Variants in SPCS1 observed in about 807,000 individuals in gnomAD.
SPCS1 encodes the protein SPase 12 kDa subunit.
Under a neutral mutation model 16.4 loss-of-function variants are expected in SPCS1, and 10 were observed. The ratio of observed to expected loss-of-function variants is 0.61; its 90% CI spans 0.38 to 1.03. SPCS1 has a LOEUF of 1.03. Ranked by LOEUF, SPCS1 falls within the 50% of genes least tolerant of loss-of-function variation. The pLI is 0.01. For missense variants in SPCS1, 118 were observed against 123.8 expected, an observed-to-expected ratio of 0.95 and a Z score of 0.22; for synonymous variants, 47 against 42.5, an observed-to-expected ratio of 1.10 and a Z score of -0.41.
rs1160972338 is a variant in SPCS1, at chr3:52,710,693, T to G, written c.*2881T>G. ...AGGAATACCACTTGAGCCCCAGAAG[T>G]GGAGGTTGCAGTGAGTTGAGATCAT... On this transcript the variant is annotated 3_prime_UTR_variant, in exon 4 of 4. Transcript: ENST00000619898. 6.6e-6 allele frequency: 1 copy of G among 151,844 alleles called. No homozygotes were observed. Among genetic ancestry groups the G allele is most frequent in the Non-Finnish European group, 1.5e-5 (1 of 67,990 alleles). The allele number at this position is 151,844 out of a possible 1,614,324, so 9.4% of individuals were successfully genotyped here.
chr3:52,706,448 G>C (rs1331539076), intron 1 of SPCS1, 166 bp downstream of exon 1: 1 of 846,964 alleles, frequency 1.2e-6, no homozygotes, highest in Admixed American at 2.8e-5. Context: ...TACTCCGCGA[G>C]AATCTCCTGT....
At chr3:52,707,546 A>G in intron 3 of SPCS1, 141 bp from the exon 4 acceptor site, 1 of 801,910 alleles carries the variant, frequency 1.2e-6, no homozygotes, top group South Asian at 1.9e-5. Context: ...GGTGGCACAG[A>G]GCCTTTATAG....
rs2097349355 is a variant in SPCS1, at chr3:52,710,503, G to A, written c.*2691G>A. On this transcript the variant is annotated 3_prime_UTR_variant, in exon 4 of 4. Coordinates refer to ENST00000619898, the MANE Select transcript of SPCS1 (RefSeq NM_014041.5). ...GGGCTGGGCACAGTGGCTCATTCCT[G>A]TAATCCTGGCACTTTGGGAGGCTGA... 6.6e-6 allele frequency: 1 copy of A among 152,162 alleles called. No individual in the cohort carries two copies. The highest frequency in any genetic ancestry group is 2.4e-5 in the African/African-American group (1 of 41,428). 9.4% of individuals were successfully genotyped at this position (152,162 alleles called of 1,614,324 possible).
Position 52,706,907 on chromosome 3 carries a change from G to C in SPCS1, c.183+28G>C, listed in dbSNP as rs541267854. The C allele has an allele frequency of 3.2e-6, 5 of 1,572,276 alleles. No homozygotes were observed. In the African/African-American group the frequency reaches 6.7e-5, roughly 21 times the overall value. ...AAGAAATTTGTGGGTATTAGTGGCA[G>C]CTTGGGTTTTGTGAGTCGGGTTGGT... On this transcript the variant is annotated intron_variant, in intron 3 of 3. Coordinates refer to ENST00000619898, the MANE Select transcript of SPCS1 (RefSeq NM_014041.5).
chr3:52,708,146 T>A lies in SPCS1; in HGVS notation c.*334T>A, dbSNP rs1036246956. The A allele has an allele frequency of 1.7e-5, 3 of 173,332 alleles. No homozygotes were observed. Among genetic ancestry groups the A allele is most frequent in the African/African-American group, 7.1e-5 (3 of 42,022 alleles). The allele number at this position is 173,332 out of a possible 1,614,324, so 10.7% of individuals were successfully genotyped here. On this transcript the variant is annotated 3_prime_UTR_variant, in exon 4 of 4. Coordinates refer to ENST00000619898, the MANE Select transcript of SPCS1 (RefSeq NM_014041.5). ...ATTATGAGTTAACCATTTTAATGTT[T>A]CCAATTAAACCTCATAGTGCAAGTT...
chr3:52,706,584 G>A lies in SPCS1; in HGVS notation c.37-60G>A. The A allele has an allele frequency of 2.7e-6, 4 of 1,504,570 alleles. No individual in the cohort carries two copies. The South Asian group carries it at 4.5e-5, about 17-fold the overall frequency. The allele number at this position is 1,504,570 out of a possible 1,614,324, so 93.2% of individuals were successfully genotyped here. On this transcript the variant is annotated intron_variant, in intron 1 of 3. Transcript: ENST00000619898. ...CCTGTGCCAGAGTTGTGAGGTCAGG[G>A]CAGGAATTGTATGTTCTCGGCGGTG...
In SPCS1 at chr3:52,708,747, GA is replaced by G. The variant is rs554482248; in HGVS notation, c.*945del. Reference sequence around the variant, plus strand: ...TAACGGATCATGTACAAAGCAACAGGAAAAAAAAAACTGCAAGCAGTAAAGG... The same window carrying G: ...TAACGGATCATGTACAAAGCAACAGGAAAAAAAAACTGCAAGCAGTAAAGG... On this transcript the variant is annotated 3_prime_UTR_variant, in exon 4 of 4. Transcript: ENST00000619898. 1.5e-4 allele frequency: 22 copies of G among 148,622 alleles called. No homozygotes were observed. The highest frequency in any genetic ancestry group is 3.9e-4 in the African/African-American group (16 of 40,686). The allele number at this position is 148,622 out of a possible 1,614,324, so 9.2% of individuals were successfully genotyped here. A position where few individuals can be genotyped will look rare whatever the true frequency, so the allele number is the denominator to read the frequency against.
chr3:52,706,393 C>G, intron 1 of SPCS1, 111 bp downstream of exon 1: 3 of 1,195,302 alleles, frequency 2.5e-6, no homozygotes, highest in Non-Finnish European at 3.5e-6. Flanking sequence ...GGATGGTTAC[C>G]GTCCACCCTC....
At position 52,709,862 on chromosome 3, in the gene SPCS1, C is replaced by T. The variant is rs948476424; in HGVS notation, c.*2050C>T. On this transcript the variant is annotated 3_prime_UTR_variant, in exon 4 of 4. Transcript: ENST00000619898. ...CGGAAAGGTGAATAGCTCAAGGATA[C>T]CAAGTTTGCCAAAGATTTGTTCCCA... The T allele has an allele frequency of 1.3e-5, 2 of 152,068 alleles. No individual in the cohort carries two copies. The highest frequency in any genetic ancestry group is 2.9e-5 in the Non-Finnish European group (2 of 68,016). The allele number at this position is 152,068 out of a possible 1,614,324, so 9.4% of individuals were successfully genotyped here. A position where few individuals can be genotyped will look rare whatever the true frequency, so the allele number is the denominator to read the frequency against.
Position 52,708,289 on chromosome 3 carries a change from TGAG to T in SPCS1, c.*482_*484del, listed in dbSNP as rs145894928. ...GGCTCTCACCTATAATCCCAGCACT[TGAG>T]GAGGCTAAGGCAGGAGGATGACTTG... On this transcript the variant is annotated 3_prime_UTR_variant, in exon 4 of 4. Coordinates refer to ENST00000619898, the MANE Select transcript of SPCS1 (RefSeq NM_014041.5). 0.039 allele frequency: 5,995 copies of T among 154,128 alleles called. 393 individuals are homozygous for T. The highest frequency in any genetic ancestry group is 0.13 in the African/African-American group (5,582 of 41,510). The allele number at this position is 154,128 out of a possible 1,614,324, so 9.5% of individuals were successfully genotyped here.
At position 52,706,713 on chromosome 3, in the gene SPCS1, G is replaced by A; in HGVS notation, c.96+10G>A. ...TATTCTTTTTTCTGCAGTAAGTATT[G>A]GTTTTACATTTAATCTCCGCCCCCG... On this transcript the variant is annotated intron_variant, in intron 2 of 3. Transcript: ENST00000619898. 2 of 1,613,022 alleles carry A rather than the reference G, an allele frequency of 1.2e-6. No individual in the cohort carries two copies. The highest frequency in any genetic ancestry group is 1.7e-5 in the Admixed American group (1 of 59,988).
At chr3:52,707,565 A>ATTTTTTT in intron 3 of SPCS1, 122 bp from the exon 4 acceptor site, 2 of 898,164 alleles carry the variant, frequency 2.2e-6, no homozygotes, top group Non-Finnish European at 3.3e-6. Flanking sequence ...AGGAATATGG[A>ATTTTTTT]TTTTTTTTTT....
intron 3 of SPCS1, chr3:52,707,092 T>C (rs1448794909): frequency 8.9e-6 from 5 of 563,444 alleles, no homozygotes; most frequent in Non-Finnish European, 1.3e-5. Flanking sequence ...TGGCGGCTAC[T>C]CTGGCTAATA....
chr3:52,706,875 G>T lies in SPCS1; in HGVS notation c.179G>T (p.Cys60Phe). Reference protein sequence around the residue: ...YIVMAGFAFSCLLTLPPWPIY... With the variant: ...YIVMAGFAFSFLLTLPPWPIY... ...GTTATGGCCGGATTTGCTTTTTCAT[G>T]TTTGGTAAGAAATTTGTGGGTATTA... is the stretch of plus-strand genomic sequence containing the variant. The change falls in exon 3 of 4, where the codon TGT (cysteine) becomes TTT (phenylalanine). Residue 60 changes from cysteine to phenylalanine, a missense_variant. Coordinates refer to ENST00000619898, the MANE Select transcript of SPCS1 (RefSeq NM_014041.5). 3 of 1,613,530 alleles carry T rather than the reference G, an allele frequency of 1.9e-6. No individual in the cohort carries two copies. The highest frequency in any genetic ancestry group is 2.5e-6 in the Non-Finnish European group (3 of 1,179,518).
chr3:52,707,586 T>C, intron 3 of SPCS1, 101 bp from the exon 4 acceptor site: 3 of 1,295,102 alleles, frequency 2.3e-6, no homozygotes, highest in Non-Finnish European at 2.2e-6. Context: ...TGTTTTTTTG[T>C]TCCCTCAGCA....
intron 3 of SPCS1, chr3:52,707,485 T>A (rs948465540): frequency 3.9e-6 from 2 of 510,740 alleles, no homozygotes; most frequent in Non-Finnish European, 7.0e-6. Context: ...TTAAAGCCAT[T>A]TGTATAGGCA....
rs1036441284 is a variant in SPCS1 at position 52,709,038 on chromosome 3, T to A, written c.*1226T>A. ...CCATCTCTACTAAAAATAACGAAAA[T>A]CAGCCAGGCATGGTGGTGTGTGCCT... is the stretch of plus-strand genomic sequence containing the variant. On this transcript the variant is annotated 3_prime_UTR_variant, in exon 4 of 4. Transcript: ENST00000619898. 5 of 151,770 alleles carry A rather than the reference T, an allele frequency of 3.3e-5. No homozygotes were observed. Among genetic ancestry groups the A allele is most frequent in the African/African-American group, 1.2e-4 (5 of 41,236 alleles). The allele number at this position is 151,770 out of a possible 1,614,324, so 9.4% of individuals were successfully genotyped here. A position where few individuals can be genotyped will look rare whatever the true frequency, so the allele number is the denominator to read the frequency against.
chr3:52,707,927 TTA>T lies in SPCS1; in HGVS notation c.*116_*117del. On this transcript the variant is annotated 3_prime_UTR_variant, in exon 4 of 4. Transcript: ENST00000619898. Reference sequence around the variant, plus strand: ...TCTTATGGCACAGCTGTGTATAGATTTAGTTCTCTTTATACTTCATTTCTAGC... The same window carrying T: ...TCTTATGGCACAGCTGTGTATAGATTGTTCTCTTTATACTTCATTTCTAGC... 7.8e-7 allele frequency: 1 copy of T among 1,284,648 alleles called. No homozygotes were observed. Among genetic ancestry groups the T allele is most frequent in the Non-Finnish European group, 1.1e-6 (1 of 914,194 alleles). The allele number at this position is 1,284,648 out of a possible 1,614,324, so 79.6% of individuals were successfully genotyped here. A position where few individuals can be genotyped will look rare whatever the true frequency, so the allele number is the denominator to read the frequency against.
rs2097346147 is a variant in SPCS1, at chr3:52,707,759, G to C, written c.256G>C (p.Asp86His). ...KWLPVQESST[D>H]DKKPGERKIK... ...GTTACCTGTTCAAGAATCAAGCACA[G>C]ACGACAAGAAACCAGGGGAAAGAAA... Residue 86 changes from aspartate (D) to histidine (H), a missense_variant, in exon 4 of 4, where the codon GAC (aspartate) becomes CAC (histidine). Coordinates refer to ENST00000619898, the MANE Select transcript of SPCS1 (RefSeq NM_014041.5). The C allele has an allele frequency of 6.2e-7, 1 of 1,613,882 alleles. No homozygotes were observed. The highest frequency in any genetic ancestry group is 8.5e-7 in the Non-Finnish European group (1 of 1,180,036).
Sources: allele counts gnomAD v4.1 joint callset, GRCh38; gene constraint gnomAD v4.1.1; transcripts MANE v1.5; gene names NCBI Gene and HGNC (gene_info 2026-07-23, HGNC 2026-07-21).